TATDN1: variants seen among roughly 807,000 people sequenced by gnomAD.
TATDN1 encodes TatD DNase domain containing 1, also known as deoxyribonuclease TATDN1.
In TATDN1, 40 loss-of-function variants were observed where a neutral mutation model predicts 46.4. The observed-to-expected ratio is 0.86, with a 90% confidence interval of 0.67 to 1.12. The LOEUF is 1.12. TATDN1 is among the 50% of genes most tolerant of loss of function. The pLI, the probability that TATDN1 is intolerant of heterozygous loss-of-function variation, is 0.00. For synonymous variants in TATDN1, 95 were observed against 105.6 expected (o/e 0.90, Z 0.62); for missense variants, 326 against 348.4 (o/e 0.94, Z 0.51).
intron 1 of TATDN1, among the ~76,000 whole-genome samples, chr8:124,534,604 A>T (rs1821274873): frequency 6.6e-6 from 1 of 152,162 alleles, no homozygotes; most frequent in Admixed American, 6.5e-5. Flanking sequence ...AGGCGTGAGG[A>T]TTCACTTCTG....
chr8:124,504,062 TGTA>T, intron 9 of TATDN1: 1 of 806,548 alleles, frequency 1.2e-6, no homozygotes, highest in Non-Finnish European at 1.9e-6. Flanking sequence ...TAGAACATAA[TGTA>T]GTAGTCTATA....
intron 1 of TATDN1, 22 bp downstream of exon 1, chr8:124,539,003 G>A: frequency 6.2e-7 from 1 of 1,614,088 alleles, no homozygotes; most frequent in Non-Finnish European, 8.5e-7. Context: ...AGACCCAAGG[G>A]CGTGGAAAAC....
chr8:124,520,627 A>T (rs956999144), intron 3 of TATDN1, among the ~76,000 whole-genome samples: 1 of 151,940 alleles, frequency 6.6e-6, no homozygotes, highest in African/African-American at 2.4e-5. Flanking sequence ...AGAGGGCATC[A>T]TCTCCTCTCC....
chr8:124,524,708 G>A (rs985059799), intron 1 of TATDN1, among the ~76,000 whole-genome samples: 2 of 152,198 alleles, frequency 1.3e-5, no homozygotes, highest in East Asian at 3.8e-4. Context: ...TTTGCAGAAG[G>A]GGGAGGGACT....
intron 3 of TATDN1, chr8:124,521,730 A>G (rs1200914363): frequency 1.9e-5 from 3 of 154,534 alleles, no homozygotes; most frequent in Non-Finnish European, 4.3e-5. Context: ...TTATTACTGT[A>G]AAAATGAAAG....
At chr8:124,494,166 C>CT (rs1817259928) in intron 10 of TATDN1, 1 of 374,774 alleles carries the variant, frequency 2.7e-6, no homozygotes, top group Non-Finnish European at 4.7e-6. Flanking sequence ...ACTTCTATTC[C>CT]TTTTTTCTGC....
rs1159430909 is a variant in TATDN1 at position 124,522,967 on chromosome 8, C to G, written c.58G>C (p.Gly20Arg). 1 of 1,613,370 alleles carries G rather than the reference C, an allele frequency of 6.2e-7. No homozygotes were observed. Among genetic ancestry groups the G allele is most frequent in the Admixed American group, 1.7e-5 (1 of 59,998 alleles). ...GINLTDPMFR[G>R]IYRGVQKHQD... The stretch of plus-strand genomic sequence containing the variant: ...TGCTTTTGAACCCCCCTATAAATTC[C>G]TCTGAACATAGGGTCAGTCAAGTTG... The change falls in exon 2 of 12, where the codon GGA becomes CGA. Residue 20 changes from glycine (G) to arginine (R), a missense_variant. By Grantham distance (125) the Gly-to-Arg change is moderately radical. Coordinates refer to ENST00000276692, the MANE Select transcript of TATDN1 (RefSeq NM_032026.4).
chr8:124,501,784 G>T (rs1212066417), intron 9 of TATDN1, among the ~76,000 whole-genome samples: 1 of 152,134 alleles, frequency 6.6e-6, no homozygotes, highest in African/African-American at 2.4e-5. Flanking sequence ...GACGGGTAAA[G>T]ATGTGCCCCC....
chr8:124,499,689 G>A (rs1237617721), intron 9 of TATDN1, among the ~76,000 whole-genome samples: 3 of 151,468 alleles, frequency 2.0e-5, no homozygotes, highest in Non-Finnish European at 4.4e-5. Context: ...GACTACAGGC[G>A]CCCGCCACCA....
rs764990848 is a variant in TATDN1, at chr8:124,539,056, T to C, written c.-10A>G. 45 of 1,612,984 alleles carry C rather than the reference T, an allele frequency of 2.8e-5. No homozygotes were observed. Among genetic ancestry groups the C allele is most frequent in the Non-Finnish European group, 3.6e-5 (42 of 1,179,130 alleles). On this transcript the variant is annotated 5_prime_UTR_variant, in exon 1 of 12. An upstream start codon of the reference 5' UTR is lost. Coordinates refer to ENST00000276692, the MANE Select transcript of TATDN1 (RefSeq NM_032026.4). ...ACTTGAAGCGACTCATGACTGCGCA[T>C]GGAGGACCTCCCCAGCGGAAGCGGA...
intron 3 of TATDN1, among the ~76,000 whole-genome samples, chr8:124,520,257 C>T (rs540880467): frequency 6.0e-5 from 9 of 151,148 alleles, no homozygotes; most frequent in Non-Finnish European, 8.9e-5. Context: ...GCCAACATGG[C>T]GAAACCCCGT....
intron 11 of TATDN1, chr8:124,491,098 A>G (rs1816954029): frequency 6.6e-6 from 1 of 151,906 alleles, no homozygotes; most frequent in Non-Finnish European, 1.5e-5. Flanking sequence ...AAAGGTTTTT[A>G]AAGTCTTGCA....
chr8:124,516,141 A>G (rs1819452345), intron 4 of TATDN1, 111 bp from the exon 5 acceptor site: 1 of 903,948 alleles, frequency 1.1e-6, no homozygotes, highest in South Asian at 2.4e-5. Context: ...AACAATGGCA[A>G]TAAATTACTC....
chr8:124,538,929 A>G (rs1156257789), intron 1 of TATDN1, 96 bp downstream of exon 1: 2 of 1,492,526 alleles, frequency 1.3e-6, no homozygotes, highest in East Asian at 4.7e-5. Flanking sequence ...AACCCTTACA[A>G]TGCCGGAGGG....
At chr8:124,518,750 G>C in intron 4 of TATDN1, 68 bp downstream of exon 4, 1 of 1,166,348 alleles carries the variant, frequency 8.6e-7, no homozygotes, top group South Asian at 1.2e-5. Flanking sequence ...ACCTGAAGCA[G>C]TTTTCAGAAA....
intron 1 of TATDN1, 21 bp downstream of exon 1, chr8:124,539,004 C>G (rs1277911362): frequency 1.2e-6 from 2 of 1,613,324 alleles, no homozygotes; most frequent in Non-Finnish European, 1.7e-6. Context: ...GACCCAAGGG[C>G]GTGGAAAACG....
chr8:124,505,685 A>C (rs1818347882), intron 8 of TATDN1, among the ~76,000 whole-genome samples: 1 of 152,050 alleles, frequency 6.6e-6, no homozygotes, highest in African/African-American at 2.4e-5. Flanking sequence ...AATCAAAAAC[A>C]ACATATAACA....
At chr8:124,537,429 G>A (rs905945156) in intron 1 of TATDN1, among the ~76,000 whole-genome samples, 1 of 152,204 alleles carries the variant, frequency 6.6e-6, no homozygotes, top group African/African-American at 2.4e-5. Flanking sequence ...GAGCAGCCCA[G>A]GGATGGGCTA....
chr8:124,530,625 A>C (rs1426316320), intron 1 of TATDN1, among the ~76,000 whole-genome samples: 1 of 152,248 alleles, frequency 6.6e-6, no homozygotes, highest in Non-Finnish European at 1.5e-5. Flanking sequence ...AGAACATCTC[A>C]CTACAGGAAC....
Sources: gnomAD v4.1 joint callset for allele counts (sites outside exome capture counted in the v4.1 genomes callset) on GRCh38, gnomAD v4.1.1 for gene constraint, MANE v1.5 for transcripts, NCBI Gene and HGNC (gene_info 2026-07-23, HGNC 2026-07-21) for gene names.